The following ITPR1 variants were observed in gnomAD, a reference collection of about 807,000 sequenced individuals.
ITPR1 encodes the protein inositol 1,4,5-trisphosphate-gated calcium channel ITPR1.
In ITPR1, 96 loss-of-function variants were observed where a neutral mutation model predicts 318.4. That is an observed-to-expected ratio of 0.30 (90% CI 0.26 to 0.36). The LOEUF is 0.36. Among genes scored for constraint, ITPR1 ranks in the 10% least tolerant of loss-of-function variants. The pLI is 1.00. For synonymous variants in ITPR1, 1,312 were observed against 1,289.9 expected, an observed-to-expected ratio of 1.02 and a Z score of -0.37; for missense variants, 2,440 against 3,460.2, an observed-to-expected ratio of 0.71 and a Z score of 7.40.
At chr3:4,841,461 T>G (rs573005741) in intron 61 of ITPR1, among the ~76,000 whole-genome samples, 1 of 152,344 alleles carries the variant, frequency 6.6e-6, no homozygotes, top group East Asian at 1.9e-4. Context: ...TTAATTCCGT[T>G]CCTTCTTTCA....
At chr3:4,585,590 C>T (rs2089810269) in intron 4 of ITPR1, among the ~76,000 whole-genome samples, 1 of 152,098 alleles carries the variant, frequency 6.6e-6, no homozygotes, top group Admixed American at 6.5e-5. Flanking sequence ...GTGTGCACCA[C>T]CACGCCCGGC....
intron 3 of ITPR1, among the ~76,000 whole-genome samples, 184 bp downstream of exon 3, chr3:4,516,767 C>A (rs2082203694): frequency 6.6e-6 from 1 of 152,210 alleles, no homozygotes; most frequent in Non-Finnish European, 1.5e-5. Context: ...ACACAATTTT[C>A]TGTATATTTC....
chr3:4,513,658 G>T (rs2081990752), intron 2 of ITPR1, among the ~76,000 whole-genome samples: 1 of 152,178 alleles, frequency 6.6e-6, no homozygotes. Flanking sequence ...ACAGAGCCAT[G>T]GTAGAAAAAT....
At chr3:4,626,793 AG>A (rs1417505151) in intron 4 of ITPR1, among the ~76,000 whole-genome samples, 1 of 152,144 alleles carries the variant, frequency 6.6e-6, no homozygotes, top group Non-Finnish European at 1.5e-5. Context: ...CCACTGCCCT[AG>A]GAGAGCCCTC....
chr3:4,689,313 A>G (rs1398315242), intron 31 of ITPR1, among the ~76,000 whole-genome samples: 2 of 120,442 alleles, frequency 1.7e-5, no homozygotes. Context: ...TTGTGCATGC[A>G]CACACTCACT....
intron 10 of ITPR1, chr3:4,646,048 A>C: frequency 7.5e-6 from 2 of 264,954 alleles, no homozygotes; most frequent in Non-Finnish European, 1.5e-5. Context: ...CAAAAACGAA[A>C]TTAGAAATAG....
rs2045493906 is a variant in ITPR1, at chr3:4,762,113, A to C, written c.5545-4417A>C. On this transcript the variant is annotated intron_variant, in intron 44 of 61. Transcript: ENST00000649015. ...CATGTTTCACTTCTACTCTTGCAAT[A>C]GATACCACTGCTTCTGTTCTAGAAA... Among the ~76,000 whole-genome samples the C allele has an allele frequency of 2.0e-5, 3 of 152,318 alleles. No individual in the cohort carries two copies. The South Asian group carries it at 6.2e-4, about 32-fold the overall frequency.
At chr3:4,694,680 C>T (rs2094530725) in intron 33 of ITPR1, among the ~76,000 whole-genome samples, 1 of 152,150 alleles carries the variant, frequency 6.6e-6, no homozygotes, top group Admixed American at 6.5e-5. Context: ...AATTATAACA[C>T]AATTGTATTT....
intron 4 of ITPR1, among the ~76,000 whole-genome samples, chr3:4,602,882 A>G (rs1281967548): frequency 1.3e-5 from 2 of 151,524 alleles, no homozygotes; most frequent in Non-Finnish European, 2.9e-5. Context: ...TGGGTATAGG[A>G]TGTTTTTGTG....
Position 4,676,766 on chromosome 3 carries a change from A to G in ITPR1, c.2932A>G (p.Met978Val). 6.2e-7 allele frequency: 1 copy of G among 1,613,730 alleles called. No homozygotes were observed. The highest frequency in any genetic ancestry group is 8.5e-7 in the Non-Finnish European group (1 of 1,179,820). Residue 978 changes from methionine to valine, a missense_variant, in exon 24 of 62, where the codon ATG (methionine) becomes GTG (valine). Transcript: ENST00000649015. ...AEPEKEDIMV[M>V]DTKLKIIEIL... ...GCCTGAGAAGGAGGACATCATGGTC[A>G]TGGACACCAAGCTGAAGATCATTGA...
intron 60 of ITPR1, among the ~76,000 whole-genome samples, chr3:4,825,558 AG>A (rs2050017144): frequency 6.6e-6 from 1 of 152,228 alleles, no homozygotes; most frequent in African/African-American, 2.4e-5. Flanking sequence ...AACATCTATG[AG>A]GAAACATTAT....
chr3:4,659,648 T>C (rs867847912), intron 13 of ITPR1, among the ~76,000 whole-genome samples: 89 of 151,696 alleles, frequency 5.9e-4, no homozygotes, highest in Middle Eastern at 3.4e-3. Flanking sequence ...TTGTGCCAAC[T>C]GTACTCCAGC....
intron 6 of ITPR1, 121 bp downstream of exon 6, chr3:4,639,591 T>C: frequency 1.4e-6 from 1 of 705,706 alleles, no homozygotes; most frequent in Non-Finnish European, 2.4e-6. Flanking sequence ...AGGCAGCCAG[T>C]TTATTGCAAA....
In ITPR1 at chr3:4,688,461, C is replaced by CA. The variant is rs752027450; in HGVS notation, c.3703-32dup. 1.4e-5 allele frequency: 22 copies of CA among 1,610,142 alleles called. No individual in the cohort carries two copies. In the South Asian group the frequency reaches 1.7e-4, roughly 12 times the overall value. ...AGGAGAAGCTGGTCTCCTGGCCCAG[C>CA]AATCAGTGCTTTCATCTGTCTCCTC... On this transcript the variant is annotated intron_variant, in intron 30 of 61. Transcript: ENST00000649015.
At chr3:4,567,083 A>G (rs1270413040) in intron 4 of ITPR1, among the ~76,000 whole-genome samples, 1 of 152,232 alleles carries the variant, frequency 6.6e-6, no homozygotes, top group Non-Finnish European at 1.5e-5. Flanking sequence ...AATGGGGATA[A>G]TAATACCTAT....
chr3:4,733,606 T>G (rs574722579), intron 43 of ITPR1, among the ~76,000 whole-genome samples: 2 of 152,324 alleles, frequency 1.3e-5, no homozygotes, highest in African/African-American at 4.8e-5. Flanking sequence ...ATTATACATT[T>G]ACTGAATGCC....
At chr3:4,552,712 A>G (rs2085689270) in intron 4 of ITPR1, among the ~76,000 whole-genome samples, 1 of 152,076 alleles carries the variant, frequency 6.6e-6, no homozygotes, top group Non-Finnish European at 1.5e-5. Context: ...GATCAACTTA[A>G]CCTTCAGCCT....
At position 4,665,063 on chromosome 3, in the gene ITPR1, G is replaced by T. The variant is rs1021201492; in HGVS notation, c.1555-75G>T. 9.3e-6 allele frequency: 14 copies of T among 1,501,914 alleles called. No homozygotes were observed. In the African/African-American group the frequency reaches 1.8e-4, roughly 19 times the overall value. 93.0% of individuals were successfully genotyped at this position (1,501,914 alleles called of 1,614,324 possible). On this transcript the variant is annotated intron_variant, in intron 16 of 61. Transcript: ENST00000649015. ...ATGTAATCCAGCCACCCTTGAGCTTGCATTACTTCCAAACAGAGGGTTAGC... is the reference window on the plus strand; with the variant it reads ...ATGTAATCCAGCCACCCTTGAGCTTTCATTACTTCCAAACAGAGGGTTAGC...
intron 12 of ITPR1, among the ~76,000 whole-genome samples, chr3:4,656,814 A>G (rs149103597): frequency 5.5e-4 from 84 of 152,314 alleles, no homozygotes; most frequent in Admixed American, 1.8e-3. Flanking sequence ...GACAAAGAAA[A>G]TGTGCTTCCT....
Sources: gnomAD v4.1 joint callset for allele counts (sites outside exome capture counted in the v4.1 genomes callset) on GRCh38, gnomAD v4.1.1 for gene constraint, MANE v1.5 for transcripts, NCBI Gene and HGNC (gene_info 2026-07-23, HGNC 2026-07-21) for gene names.